Variants in FGF2 observed in about 807,000 individuals in gnomAD.
The protein encoded by FGF2 is basic fibroblast growth factor bFGF.
In FGF2, 13 loss-of-function variants were observed where a neutral mutation model predicts 15.9. The ratio of observed to expected loss-of-function variants is 0.82; its 90% CI spans 0.53 to 1.30. FGF2 has a LOEUF of 1.30. FGF2 is among the 50% of genes most tolerant of loss of function. The pLI, the probability that FGF2 is intolerant of heterozygous loss-of-function variation, is 0.00. For missense variants in FGF2, 163 were observed against 196.9 expected, an observed-to-expected ratio of 0.83 and a Z score of 1.03; for synonymous variants, 90 against 78.4, an observed-to-expected ratio of 1.15 and a Z score of -0.78.
chr4:122,844,260 C>T (rs1212601307), intron 1 of FGF2, among the ~76,000 whole-genome samples: 2 of 152,204 alleles, frequency 1.3e-5, no homozygotes, highest in African/African-American at 4.8e-5. Context: ...AGCAGCTCCT[C>T]ATCTGTTTAA....
At chr4:122,845,179 TG>T (rs1192234828) in intron 1 of FGF2, among the ~76,000 whole-genome samples, 8 of 152,200 alleles carry the variant, frequency 5.3e-5, no homozygotes, top group Admixed American at 2.6e-4. Flanking sequence ...TTGAAAGGGA[TG>T]TTTTTTTTGA....
intron 1 of FGF2, among the ~76,000 whole-genome samples, chr4:122,871,295 A>G (rs557308016): frequency 3.9e-5 from 6 of 152,162 alleles, no homozygotes; most frequent in African/African-American, 1.4e-4. Context: ...TGTATATTCT[A>G]TTGATTTGGG....
At chr4:122,841,069 G>A (rs908936672) in intron 1 of FGF2, among the ~76,000 whole-genome samples, 4 of 152,170 alleles carry the variant, frequency 2.6e-5, no homozygotes, top group African/African-American at 7.2e-5. Context: ...CATAGCCTTC[G>A]TGTGTTAATT....
At chr4:122,839,560 TCTTTC>T (rs1268172888) in intron 1 of FGF2, among the ~76,000 whole-genome samples, 6 of 152,218 alleles carry the variant, frequency 3.9e-5, no homozygotes, top group African/African-American at 1.4e-4. Flanking sequence ...ATTAAACTCC[TCTTTC>T]CTTTATTGAC....
At chr4:122,889,078 T>A (rs1164715640) in intron 2 of FGF2, 2 of 152,202 alleles carry the variant, frequency 1.3e-5, no homozygotes, top group African/African-American at 4.8e-5. Context: ...CTTAATTTGA[T>A]ATAAAGGTAT....
At chr4:122,847,977 C>T (rs1726151094) in intron 1 of FGF2, among the ~76,000 whole-genome samples, 1 of 152,214 alleles carries the variant, frequency 6.6e-6, no homozygotes, top group Non-Finnish European at 1.5e-5. Flanking sequence ...AATGTTTGAC[C>T]TAATAGCTGG....
chr4:122,897,590 T>G lies in FGF2; in HGVS notation c.*5194T>G. 1 of 1,456,326 alleles carries G rather than the reference T, an allele frequency of 6.9e-7. No individual in the cohort carries two copies. Among genetic ancestry groups the G allele is most frequent in the Non-Finnish European group, 9.6e-7 (1 of 1,037,188 alleles). The allele number at this position is 1,456,326 out of a possible 1,614,324, so 90.2% of individuals were successfully genotyped here. A position where few individuals can be genotyped will look rare whatever the true frequency, so the allele number is the denominator to read the frequency against. ...GTAAACACATTAATTTCCTCAACAT[T>G]TTTAAGCCAATTAAAAATATAAAAG... On this transcript the variant is annotated 3_prime_UTR_variant, in exon 3 of 3. Coordinates refer to ENST00000644866, the MANE Select transcript of FGF2 (RefSeq NM_001361665.2).
At chr4:122,852,807 C>A (rs950479867) in intron 1 of FGF2, among the ~76,000 whole-genome samples, 9 of 152,194 alleles carry the variant, frequency 5.9e-5, no homozygotes, top group African/African-American at 2.2e-4. Flanking sequence ...CCATCAAAGT[C>A]CACATCTTTA....
intron 2 of FGF2, among the ~76,000 whole-genome samples, chr4:122,884,178 A>G (rs569000578): frequency 2.0e-4 from 31 of 152,222 alleles, no homozygotes; most frequent in Non-Finnish European, 4.1e-4. Flanking sequence ...CTGTTATGCA[A>G]CCTATAGGTA....
Position 122,892,191 on chromosome 4 carries a change from ATTCT to A in FGF2, c.283-18_283-15del, listed in dbSNP as rs765097525. ...ATAATAATGATAATAATAACAGGTA[ATTCT>A]TCCTTTATTTTTCAGAAATGTGTTA... On this transcript the variant is annotated splice_polypyrimidine_tract_variant and intron_variant, in intron 2 of 2. Transcript: ENST00000644866. 1.3e-5 allele frequency: 20 copies of A among 1,569,760 alleles called. No individual in the cohort carries two copies. The African/African-American group carries it at 1.5e-4, about 12-fold the overall frequency.
chr4:122,836,589 C>G (rs1158458858), intron 1 of FGF2, among the ~76,000 whole-genome samples: 1 of 152,172 alleles, frequency 6.6e-6, no homozygotes, highest in African/African-American at 2.4e-5. Flanking sequence ...GTTCTTTACT[C>G]TTTCCTATTC....
intron 2 of FGF2, chr4:122,890,183 G>T (rs1222267766): frequency 1.3e-5 from 2 of 152,148 alleles, no homozygotes; most frequent in African/African-American, 2.4e-5. Context: ...CACGAGAGGG[G>T]TACTAAATTT....
At chr4:122,881,157 C>A (rs1431273406) in intron 2 of FGF2, among the ~76,000 whole-genome samples, 1 of 152,152 alleles carries the variant, frequency 6.6e-6, no homozygotes, top group East Asian at 1.9e-4. Context: ...CTGAGCCCAG[C>A]TCATGAAACC....
At chr4:122,844,386 C>A (rs1726056831) in intron 1 of FGF2, among the ~76,000 whole-genome samples, 1 of 152,114 alleles carries the variant, frequency 6.6e-6, no homozygotes, top group Non-Finnish European at 1.5e-5. Flanking sequence ...GGTTTGAACC[C>A]CCTCAAAGTC....
At position 122,892,622 on chromosome 4, in the gene FGF2, T is replaced by C; in HGVS notation, c.*226T>C. 1 of 1,430,574 alleles carries C rather than the reference T, an allele frequency of 7.0e-7. No homozygotes were observed. Among genetic ancestry groups the C allele is most frequent in the South Asian group, 1.6e-5 (1 of 64,146 alleles). 88.6% of individuals were successfully genotyped at this position (1,430,574 alleles called of 1,614,324 possible). The stretch of plus-strand genomic sequence containing the variant: ...TTATATTGCATCTGCTGTTACCCAG[T>C]GAAGCTTACCTAGAGCAATGATCTT... On this transcript the variant is annotated 3_prime_UTR_variant, in exon 3 of 3. Coordinates refer to ENST00000644866, the MANE Select transcript of FGF2 (RefSeq NM_001361665.2).
At chr4:122,880,014 C>T (rs1372762276) in intron 2 of FGF2, among the ~76,000 whole-genome samples, 1 of 152,154 alleles carries the variant, frequency 6.6e-6, no homozygotes, top group Non-Finnish European at 1.5e-5. Context: ...CTCCCAAAGT[C>T]GTAACTCATT....
chr4:122,891,093 T>C (rs970422075), intron 2 of FGF2, among the ~76,000 whole-genome samples: 13 of 148,004 alleles, frequency 8.8e-5, no homozygotes, highest in Admixed American at 1.4e-4. Context: ...CAGGTTGGAG[T>C]GCAGTGGCGC....
At chr4:122,849,163 T>C (rs1374280171) in intron 1 of FGF2, among the ~76,000 whole-genome samples, 1 of 152,222 alleles carries the variant, frequency 6.6e-6, no homozygotes, top group Non-Finnish European at 1.5e-5. Context: ...ATCTCTTTGG[T>C]GGCTTAGTTG....
In FGF2 at chr4:122,827,330, C is replaced by G; in HGVS notation, c.156C>G (p.Val52=). The change falls in exon 1 of 3, where the codon GTC becomes GTG. Residue 52 remains valine, a synonymous_variant. Transcript: ENST00000644866. This position sits in a 1 kb window ranked among gnomAD's most constrained non-coding sequence, Gnocchi z 4.2. ...ACCCCGACGGCCGAGTTGACGGGGT[C>G]CGGGAGAAGAGCGACCCTCACAGTG... ...RIHPDGRVDG[V]REKSDPHIKL... The G allele has an allele frequency of 6.2e-7, 1 of 1,612,964 alleles. No individual in the cohort carries two copies. The highest frequency in any genetic ancestry group is 8.5e-7 in the Non-Finnish European group (1 of 1,179,896).
Sources: allele counts gnomAD v4.1 joint callset (sites outside exome capture counted in the v4.1 genomes callset), GRCh38; gene constraint gnomAD v4.1.1; non-coding constraint Gnocchi (gnomAD v3.1); transcripts MANE v1.5; gene names NCBI Gene and HGNC (gene_info 2026-07-23, HGNC 2026-07-21).